Variants in FCGR2A observed in about 807,000 individuals in gnomAD.
FCGR2A encodes Fc gamma receptor IIa, also known as low affinity immunoglobulin gamma Fc region receptor II-a.
Under a neutral mutation model 29.3 loss-of-function variants are expected in FCGR2A, and 18 were observed. The ratio of observed to expected loss-of-function variants is 0.62; its 90% CI spans 0.43 to 0.91. FCGR2A has a LOEUF of 0.91. Ranked by LOEUF, FCGR2A falls within the 40% of genes least tolerant of loss-of-function variation. The pLI is 0.00. For missense variants in FCGR2A, 287 were observed against 393.0 expected (o/e 0.73, Z 2.28); for synonymous variants, 126 against 144.8 (o/e 0.87, Z 0.93).
Position 161,513,942 on chromosome 1 carries a change from C to T in FCGR2A, c.780+10C>T. On this transcript the variant is annotated intron_variant, in intron 6 of 6. Coordinates refer to ENST00000271450, the MANE Select transcript of FCGR2A (RefSeq NM_001136219.3). ...GGCTGCCCAATTTGAGGTGAGTAAT[C>T]CCAGCCATCTCCTTTTCCTCCTGCC... The T allele has an allele frequency of 2.5e-6, 4 of 1,614,242 alleles. No individual in the cohort carries two copies. The highest frequency in any genetic ancestry group is 3.4e-6 in the Non-Finnish European group (4 of 1,180,036).
chr1:161,513,965 G>A (rs1324407198), intron 6 of FCGR2A, 33 bp downstream of exon 6: 5 of 1,613,910 alleles, frequency 3.1e-6, no homozygotes, highest in African/African-American at 1.3e-5. Context: ...TTTTCCTCCT[G>A]CCTTGTCCCT....
At chr1:161,506,901 ACTACC>A (rs1232404162) in intron 3 of FCGR2A, among the ~76,000 whole-genome samples, 2 of 152,192 alleles carry the variant, frequency 1.3e-5, no homozygotes, top group Non-Finnish European at 2.9e-5. Context: ...ACTTTAAAAA[ACTACC>A]CTCCTCCTGT....
rs541413505 is a variant in FCGR2A, at chr1:161,514,384, T to C, written c.780+452T>C. 2.0e-5 allele frequency among the ~76,000 whole-genome samples: 3 copies of C among 150,402 alleles called. No individual in the cohort carries two copies. The South Asian group carries it at 6.3e-4, about 32-fold the overall frequency. ...TGTCATTAAAACATTAGACCTCTTT[T>C]GGTTTGGTGTCACCCAATTCATGAA... On this transcript the variant is annotated intron_variant, in intron 6 of 6. Coordinates refer to ENST00000271450, the MANE Select transcript of FCGR2A (RefSeq NM_001136219.3).
rs1411586164 is a variant in FCGR2A, at chr1:161,518,207, G to A, written c.*59G>A. ...GCTTGCTGAGTGGATGACAAAAAGA[G>A]GGGAATTGTTAAAGGAAAATTTAAA... On this transcript the variant is annotated 3_prime_UTR_variant, in exon 7 of 7. Transcript: ENST00000271450. The A allele has an allele frequency of 5.1e-6, 8 of 1,576,300 alleles. No homozygotes were observed. Among genetic ancestry groups the A allele is most frequent in the South Asian group, 1.2e-5 (1 of 84,970 alleles).
At chr1:161,509,258 T>G (rs1410148949) in intron 3 of FCGR2A, among the ~76,000 whole-genome samples, 1 of 152,158 alleles carries the variant, frequency 6.6e-6, no homozygotes, top group African/African-American at 2.4e-5. Context: ...TTTCTGTTGT[T>G]TATAAACCAC....
chr1:161,517,713 G>T (rs1676230028), intron 6 of FCGR2A, among the ~76,000 whole-genome samples: 1 of 152,038 alleles, frequency 6.6e-6, no homozygotes. Context: ...TTTTTAGTCT[G>T]TTCTGTTTGG....
downstream of FCGR2A, among the ~76,000 whole-genome samples, chr1:161,520,501 C>T (rs372617): frequency 2.0e-3 from 305 of 151,648 alleles, 3 homozygotes; most frequent in Middle Eastern, 0.01. Flanking sequence ...CAACTCAAGA[C>T]GAGACTTTGG....
chr1:161,507,748 G>A (rs534066087), intron 3 of FCGR2A, among the ~76,000 whole-genome samples: 10 of 152,214 alleles, frequency 6.6e-5, no homozygotes, highest in East Asian at 1.9e-4. Context: ...AGAGACAGCC[G>A]ATAGTAATTC....
At chr1:161,519,854 TC>T (rs1291302748), downstream of FCGR2A, 1 of 152,166 alleles carries the variant, frequency 6.6e-6, no homozygotes, top group Non-Finnish European at 1.5e-5. Context: ...AAGGCAAACT[TC>T]AGGTGAATTG....
At position 161,518,215 on chromosome 1, in the gene FCGR2A, G is replaced by A; in HGVS notation, c.*67G>A. On this transcript the variant is annotated 3_prime_UTR_variant, in exon 7 of 7. Transcript: ENST00000271450. ...AGTGGATGACAAAAAGAGGGGAATTGTTAAAGGAAAATTTAAATGGAGACT... is the reference window on the plus strand; with the variant it reads ...AGTGGATGACAAAAAGAGGGGAATTATTAAAGGAAAATTTAAATGGAGACT... The A allele has an allele frequency of 1.3e-6, 2 of 1,567,834 alleles. No homozygotes were observed. Among genetic ancestry groups the A allele is most frequent in the Non-Finnish European group, 8.6e-7 (1 of 1,160,088 alleles).
At position 161,506,603 on chromosome 1, in the gene FCGR2A, A is replaced by T. The variant is rs1380888282; in HGVS notation, c.364+12A>T. On this transcript the variant is annotated intron_variant, in intron 3 of 6. Transcript: ENST00000271450. ...GACTGTGCTTTCCGGTCAGTGGAGG[A>T]AGGCCCCAGGGTGGACCTGGGAGGG... 8 of 1,613,990 alleles carry T rather than the reference A, an allele frequency of 5.0e-6. No homozygotes were observed. The highest frequency in any genetic ancestry group is 6.8e-6 in the Non-Finnish European group (8 of 1,179,838).
rs750989159 is a variant in FCGR2A at position 161,506,424 on chromosome 1, G to A, written c.197G>A (p.Arg66His). The A allele has an allele frequency of 8.7e-6, 14 of 1,614,050 alleles. No homozygotes were observed. The highest frequency in any genetic ancestry group is 6.7e-5 in the Admixed American group (4 of 59,998). Residue 66 changes from arginine to histidine, a missense_variant, in exon 3 of 7, where the codon CGC (arginine) becomes CAC (histidine). Physicochemically the swap from Arg to His is conservative, Grantham distance 29. Transcript: ENST00000271450. ...DSVTLTCQGA[R>H]SPESDSIQWF... is the part of the protein sequence containing the mutation. Reference sequence around the variant, plus strand: ...GTGACTCTGACATGCCAGGGGGCTCGCAGCCCTGAGAGCGACTCCATTCAG... The same window carrying A: ...GTGACTCTGACATGCCAGGGGGCTCACAGCCCTGAGAGCGACTCCATTCAG...
rs1216522269 is a variant in FCGR2A, at chr1:161,506,508, C to T, written c.281C>T (p.Ala94Val). 16 of 1,614,078 alleles carry T rather than the reference C, an allele frequency of 9.9e-6. No individual in the cohort carries two copies. In the African/African-American group the frequency reaches 1.7e-4, roughly 18 times the overall value. ...THTQPSYRFK[A>V]NNNDSGEYTC... ...ACGCAGCCCAGCTACAGGTTCAAGG[C>T]CAACAACAATGACAGCGGGGAGTAC... Residue 94 changes from alanine to valine, a missense_variant, in exon 3 of 7, where the codon GCC becomes GTC. Coordinates refer to ENST00000271450, the MANE Select transcript of FCGR2A (RefSeq NM_001136219.3).
chr1:161,521,124 T>C (rs1676434504), downstream of FCGR2A, among the ~76,000 whole-genome samples: 2 of 149,980 alleles, frequency 1.3e-5, no homozygotes, highest in Non-Finnish European at 1.5e-5. Context: ...TCCCATACTC[T>C]TAATGTCCCT....
intron 6 of FCGR2A, among the ~76,000 whole-genome samples, chr1:161,514,188 A>C (rs1675998418): frequency 1.3e-5 from 2 of 152,164 alleles, no homozygotes; most frequent in Admixed American, 1.3e-4. Context: ...TATGTTAGAC[A>C]GAAATAAGAT....
chr1:161,521,858 C>T (rs1310623377), downstream of FCGR2A, among the ~76,000 whole-genome samples: 1 of 152,048 alleles, frequency 6.6e-6, no homozygotes, highest in Non-Finnish European at 1.5e-5. Flanking sequence ...TCAGGTATGT[C>T]TTTATTAGCA....
intron 6 of FCGR2A, 45 bp downstream of exon 6, chr1:161,513,977 C>T: frequency 6.2e-7 from 1 of 1,613,754 alleles, no homozygotes; most frequent in East Asian, 2.2e-5. Flanking sequence ...CTTGTCCCTT[C>T]TCTCCTGTTT....
At chr1:161,517,665 G>C (rs969265091) in intron 6 of FCGR2A, among the ~76,000 whole-genome samples, 22 of 151,974 alleles carry the variant, frequency 1.4e-4, no homozygotes, top group African/African-American at 5.3e-4. Flanking sequence ...GTTTCTGTTT[G>C]ATGACTTGAA....
At chr1:161,521,303 G>A (rs1188755711), downstream of FCGR2A, among the ~76,000 whole-genome samples, 1 of 152,104 alleles carries the variant, frequency 6.6e-6, no homozygotes, top group East Asian at 1.9e-4. Flanking sequence ...CCAGGTCAGT[G>A]TCTAGTGCAT....
Sources: gnomAD v4.1 joint callset for allele counts (sites outside exome capture counted in the v4.1 genomes callset) on GRCh38, gnomAD v4.1.1 for gene constraint, MANE v1.5 for transcripts, NCBI Gene and HGNC (gene_info 2026-07-23, HGNC 2026-07-21) for gene names.